The following ZNF469 variants were observed in gnomAD, a reference collection of about 807,000 sequenced individuals.
ZNF469 encodes zinc finger protein 469.
ZNF469 carries 1 observed loss-of-function variant against 1.0 expected under a neutral mutation model. That is an observed-to-expected ratio of 1.00 (90% CI 0.35 to 4.73). The LOEUF is 4.73. Among genes scored for constraint, ZNF469 ranks in the 30% most tolerant of loss-of-function variants. The probability of loss-of-function intolerance (pLI) is 0.16; values close to 1 mark genes in which losing one functional copy is unlikely to be tolerated. For synonymous variants in ZNF469, 2,703 were observed against 2,363.4 expected, an observed-to-expected ratio of 1.14 and a Z score of -4.17; for missense variants, 6,100 against 5,356.3, an observed-to-expected ratio of 1.14 and a Z score of -4.33.
chr16:88,310,720 C>A, the ZNF469 span, among the ~76,000 whole-genome samples: 1 of 152,156 alleles, frequency 6.6e-6, no homozygotes, highest in Non-Finnish European at 1.5e-5. Flanking sequence ...GTAGGGATTA[C>A]AGGTGTGCGC....
chr16:88,325,504 C>T, the ZNF469 span, among the ~76,000 whole-genome samples: 1 of 152,254 alleles, frequency 6.6e-6, no homozygotes, highest in Non-Finnish European at 1.5e-5. Context: ...TAGGCGTGGC[C>T]CCACCACTGC....
At chr16:88,193,138 G>A in the ZNF469 span, among the ~76,000 whole-genome samples, 2 of 67,496 alleles carry the variant, frequency 3.0e-5, no homozygotes, top group African/African-American at 6.0e-5. Flanking sequence ...GGTGATGGTG[G>A]TGATGGTGGT....
At chr16:88,103,154 C>G in the ZNF469 span, among the ~76,000 whole-genome samples, 3 of 151,994 alleles carry the variant, frequency 2.0e-5, no homozygotes, top group Middle Eastern at 6.8e-3. Context: ...TCCCCCCTCC[C>G]CTGGGTAGAG....
At chr16:88,391,747 C>T (rs1904497800) in intron 1 of ZNF469, among the ~76,000 whole-genome samples, 2 of 152,218 alleles carry the variant, frequency 1.3e-5, no homozygotes, top group Non-Finnish European at 2.9e-5. Flanking sequence ...CACATCTCAT[C>T]GGCTTTCAAG....
the ZNF469 span, among the ~76,000 whole-genome samples, chr16:88,199,899 C>T: frequency 1.3e-5 from 2 of 152,226 alleles, no homozygotes; most frequent in Non-Finnish European, 2.9e-5. Context: ...GGTGGAGACT[C>T]CAAAGGTGAG....
chr16:88,299,845 C>T, the ZNF469 span, among the ~76,000 whole-genome samples: 1 of 152,216 alleles, frequency 6.6e-6, no homozygotes, highest in Non-Finnish European at 1.5e-5. Context: ...ATGGGGGTTC[C>T]AGCCACTCTG....
At chr16:88,306,075 G>A in the ZNF469 span, among the ~76,000 whole-genome samples, 3 of 152,238 alleles carry the variant, frequency 2.0e-5, no homozygotes, top group Admixed American at 6.5e-5. Context: ...GCCTGGAGAC[G>A]CCAAGGCTGG....
At chr16:88,404,823 C>G (rs1904981991) in intron 1 of ZNF469, among the ~76,000 whole-genome samples, 1 of 152,214 alleles carries the variant, frequency 6.6e-6, no homozygotes, top group Admixed American at 6.5e-5. Flanking sequence ...ACAAAATCGG[C>G]ACCCAACTGG....
chr16:88,186,363 G>C, the ZNF469 span, among the ~76,000 whole-genome samples: 1 of 152,184 alleles, frequency 6.6e-6, no homozygotes, highest in Non-Finnish European at 1.5e-5. Context: ...GGAGGCCGTG[G>C]GCTTCGCCAG....
chr16:88,302,992 G>A, the ZNF469 span, among the ~76,000 whole-genome samples: 18 of 152,338 alleles, frequency 1.2e-4, no homozygotes, highest in East Asian at 2.3e-3. Flanking sequence ...GCAGGCCCCT[G>A]AACACTCCTG....
At chr16:88,340,968 G>A in the ZNF469 span, among the ~76,000 whole-genome samples, 12 of 152,190 alleles carry the variant, frequency 7.9e-5, no homozygotes, top group African/African-American at 2.6e-4. Flanking sequence ...GAGAGAGCCC[G>A]GGGCCCGGGC....
At chr16:88,297,111 G>A in the ZNF469 span, among the ~76,000 whole-genome samples, 1 of 152,218 alleles carries the variant, frequency 6.6e-6, no homozygotes, top group African/African-American at 2.4e-5. Context: ...AAACAGTGTC[G>A]CCACGCAGGG....
Position 88,439,000 on chromosome 16 carries a change from C to A in ZNF469, c.11530C>A (p.Pro3844Thr). 6.5e-7 allele frequency: 1 copy of A among 1,550,226 alleles called. No individual in the cohort carries two copies. The highest frequency in any genetic ancestry group is 8.7e-7 in the Non-Finnish European group (1 of 1,146,900). ...FGRAPSAPDKPPRTPRKQATP... is the reference protein window; with the variant it reads ...FGRAPSAPDKTPRTPRKQATP... ...GAGAGCCCCCTCAGCCCCTGACAAG[C>A]CCCCCCGGACCCCTCGGAAGCAGGC... is the stretch of plus-strand genomic sequence containing the variant. Residue 3844 changes from proline (P) to threonine (T), a missense_variant, in exon 3 of 3, where the codon CCC (proline) becomes ACC (threonine). Transcript: ENST00000565624.
the ZNF469 span, among the ~76,000 whole-genome samples, chr16:88,313,396 A>G: frequency 6.6e-6 from 1 of 152,184 alleles, no homozygotes; most frequent in Admixed American, 6.5e-5. Flanking sequence ...CTCTAGTCCA[A>G]TTGCATCCGC....
chr16:88,112,972 G>T, the ZNF469 span, among the ~76,000 whole-genome samples: 1 of 151,904 alleles, frequency 6.6e-6, no homozygotes, highest in South Asian at 2.1e-4. Flanking sequence ...TAGAGACGGG[G>T]TTTCACCGTG....
At chr16:88,370,846 A>T in the ZNF469 span, among the ~76,000 whole-genome samples, 7 of 152,232 alleles carry the variant, frequency 4.6e-5, no homozygotes, top group Admixed American at 2.0e-4. Context: ...AGCAAGTGCG[A>T]TGCAAGTAGA....
rs1906910548 is a variant in ZNF469 at position 88,440,316 on chromosome 16, C to T, written c.*984C>T. 1 of 152,198 alleles carries T rather than the reference C, an allele frequency of 6.6e-6. No homozygotes were observed. The highest frequency in any genetic ancestry group is 2.4e-5 in the African/African-American group (1 of 41,412). The allele number at this position is 152,198 out of a possible 1,614,324, so 9.4% of individuals were successfully genotyped here. On this transcript the variant is annotated 3_prime_UTR_variant, in exon 3 of 3. Coordinates refer to ENST00000565624, the MANE Select transcript of ZNF469 (RefSeq NM_001367624.2). ...CTGCCTCCCCTGCCGGGCTGCAAGC[C>T]TGAGGTCTGTGCTGCCAGACGGGGA...
In ZNF469 at chr16:88,437,437, C is replaced by G; in HGVS notation, c.9967C>G (p.Leu3323Val). ...PDPWAGGEPL[L>V]QATPVHEACK... is the part of the protein sequence containing the mutation. ...CCCCTGGGCCGGCGGGGAGCCCCTC[C>G]TGCAAGCCACCCCGGTGCACGAGGC... Residue 3323 changes from leucine (L) to valine (V), a missense_variant, in exon 3 of 3, where the codon CTG (leucine) becomes GTG (valine). Physicochemically the swap from Leu to Val is conservative, Grantham distance 32 (BLOSUM62 1). Transcript: ENST00000565624. The G allele has an allele frequency of 6.6e-7, 1 of 1,523,704 alleles. No individual in the cohort carries two copies. The highest frequency in any genetic ancestry group is 2.0e-5 in the Admixed American group (1 of 48,972). 94.4% of individuals were successfully genotyped at this position (1,523,704 alleles called of 1,614,324 possible).
At chr16:88,131,854 G>A in the ZNF469 span, among the ~76,000 whole-genome samples, 1 of 152,166 alleles carries the variant, frequency 6.6e-6, no homozygotes, top group Admixed American at 6.5e-5. Context: ...TCCTGGTGGG[G>A]AATTCCCCTC....
Sources: gnomAD v4.1 joint callset for allele counts (sites outside exome capture counted in the v4.1 genomes callset) on GRCh38, gnomAD v4.1.1 for gene constraint, MANE v1.5 for transcripts, NCBI Gene and HGNC (gene_info 2026-07-23, HGNC 2026-07-21) for gene names.